RP9: variants seen among roughly 807,000 people sequenced by gnomAD.
RP9 encodes the protein retinitis pigmentosa 9 protein.
In RP9, 23 loss-of-function variants were observed where a neutral mutation model predicts 32.6. That is an observed-to-expected ratio of 0.71 (90% CI 0.51 to 1.00). The LOEUF (loss-of-function observed/expected upper bound fraction) is 1.00, where lower values mean the gene tolerates loss of function less well. Among genes scored for constraint, RP9 ranks in the 50% least tolerant of loss-of-function variants. RP9 has a pLI of 0.00. For synonymous variants in RP9, 94 were observed against 103.6 expected (o/e 0.91, Z 0.56); for missense variants, 245 against 285.3 (o/e 0.86, Z 1.02).
Position 33,095,098 on chromosome 7 carries a change from G to A in RP9, c.*136C>T. On this transcript the variant is annotated 3_prime_UTR_variant, in exon 6 of 6. Coordinates refer to ENST00000297157, the MANE Select transcript of RP9 (RefSeq NM_203288.2). ...CCTGGGGTCACATCTTCACTGCAAG[G>A]CGGGTGGGAGCTCACTGCTGTGACC... is the stretch of plus-strand genomic sequence containing the variant. 1.3e-6 allele frequency: 1 copy of A among 776,728 alleles called. No homozygotes were observed. The highest frequency in any genetic ancestry group is 2.2e-6 in the Non-Finnish European group (1 of 454,228). 48.1% of individuals were successfully genotyped at this position (776,728 alleles called of 1,614,324 possible). A position where few individuals can be genotyped will look rare whatever the true frequency, so the allele number is the denominator to read the frequency against.
intron 1 of RP9, among the ~76,000 whole-genome samples, chr7:33,104,646 T>A (rs1788473391): frequency 6.6e-6 from 1 of 152,192 alleles, no homozygotes. Context: ...GATAGTGATG[T>A]ACTATCGCCA....
chr7:33,095,947 C>T lies in RP9; in HGVS notation c.468-515G>A, dbSNP rs146766296. Among the ~76,000 whole-genome samples the T allele has an allele frequency of 2.7e-3, 412 of 152,212 alleles. 2 individuals carry two copies. Among genetic ancestry groups the T allele is most frequent in the Non-Finnish European group, 3.8e-3 (257 of 68,008 alleles). On this transcript the variant is annotated intron_variant, in intron 5 of 5. Coordinates refer to ENST00000297157, the MANE Select transcript of RP9 (RefSeq NM_203288.2). Reference sequence around the variant, plus strand: ...ACTGGGGTCAAGTAGATCCTCCCACCTCATCCTCCCGAGTGGCTGGAACTA... The same window carrying T: ...ACTGGGGTCAAGTAGATCCTCCCACTTCATCCTCCCGAGTGGCTGGAACTA...
intron 1 of RP9, among the ~76,000 whole-genome samples, chr7:33,106,538 T>G (rs1441104210): frequency 6.6e-6 from 1 of 152,206 alleles, no homozygotes; most frequent in African/African-American, 2.4e-5. Flanking sequence ...GGAACTATAC[T>G]GGAAGATTGG....
rs552833202 is a variant in RP9, at chr7:33,095,145, G to A, written c.*89C>T. Reference sequence around the variant, plus strand: ...GACCCACATATACTCCTCTCTCGGCGTCTCTATCCTGCTGCTTTCTCTGAC... The same window carrying A: ...GACCCACATATACTCCTCTCTCGGCATCTCTATCCTGCTGCTTTCTCTGAC... On this transcript the variant is annotated 3_prime_UTR_variant, in exon 6 of 6. Coordinates refer to ENST00000297157, the MANE Select transcript of RP9 (RefSeq NM_203288.2). The A allele has an allele frequency of 2.0e-5, 30 of 1,527,548 alleles. No homozygotes were observed. The highest frequency in any genetic ancestry group is 9.0e-5 in the East Asian group (4 of 44,292). 94.6% of individuals were successfully genotyped at this position (1,527,548 alleles called of 1,614,324 possible).
intron 5 of RP9, 112 bp downstream of exon 5, chr7:33,096,381 A>T: frequency 1.3e-6 from 1 of 799,306 alleles, no homozygotes; most frequent in Non-Finnish European, 2.2e-6. Context: ...ATATTTTCAC[A>T]ATTGAAGTAC....
Position 33,095,219 on chromosome 7 carries a change from C to G in RP9, c.*15G>C. ...CAGTGTTTGAGAAGAGAATGTTGAA[C>G]AAGTCACATCCTTGTCACTCTGAGT... On this transcript the variant is annotated 3_prime_UTR_variant, in exon 6 of 6. Transcript: ENST00000297157. 1 of 1,595,692 alleles carries G rather than the reference C, an allele frequency of 6.3e-7. No individual in the cohort carries two copies. The highest frequency in any genetic ancestry group is 2.2e-5 in the East Asian group (1 of 44,578).
Position 33,096,510 on chromosome 7 carries a change from T to G in RP9, c.450A>C (p.Arg150=). ...GACCTCACCTTACGTCCTTTTCATG[T>G]CGTTTATTGTCTCGTATGATGTCAT... The part of the protein sequence containing the change: ...PMYDIIRDNK[R]HEKDVRIQQL... The change falls in exon 5 of 6, where the codon CGA becomes CGC. Residue 150 remains arginine, a synonymous_variant. Coordinates refer to ENST00000297157, the MANE Select transcript of RP9 (RefSeq NM_203288.2). 1 of 1,612,714 alleles carries G rather than the reference T, an allele frequency of 6.2e-7. No individual in the cohort carries two copies. Among genetic ancestry groups the G allele is most frequent in the Non-Finnish European group, 8.5e-7 (1 of 1,178,724 alleles).
intron 1 of RP9, among the ~76,000 whole-genome samples, chr7:33,108,851 C>T (rs1415406690): frequency 6.6e-6 from 1 of 152,206 alleles, no homozygotes; most frequent in Non-Finnish European, 1.5e-5. Context: ...AGCTTAAGAA[C>T]TTAGAAGGGT....
intron 2 of RP9, chr7:33,100,085 C>G: frequency 4.6e-6 from 1 of 218,556 alleles, no homozygotes; most frequent in Non-Finnish European, 9.2e-6. Flanking sequence ...CACACCCTGG[C>G]ACCTTGGCCA....
In RP9 at chr7:33,109,030, G is replaced by A. The variant is rs144138970; in HGVS notation, c.152+191C>T. On this transcript the variant is annotated intron_variant, in intron 1 of 5. Transcript: ENST00000297157. This position sits in a 1 kb window ranked among gnomAD's most constrained non-coding sequence, Gnocchi z 4.9. ...GTTGGCTCCCTGAACGCCCCGCCAG[G>A]AGGATGGACTTCAAGTCCTTGACCG... Among the ~76,000 whole-genome samples the A allele has an allele frequency of 6.6e-6, 1 of 152,102 alleles. No homozygotes were observed. The highest frequency in any genetic ancestry group is 2.4e-5 in the African/African-American group (1 of 41,422).
intron 3 of RP9, 106 bp downstream of exon 3, chr7:33,099,201 G>T: frequency 7.6e-7 from 1 of 1,314,920 alleles, no homozygotes; most frequent in Non-Finnish European, 1.1e-6. Flanking sequence ...ACGTGCCTTG[G>T]CTGTAAGAGG....
At chr7:33,097,217 C>T (rs1788349863) in intron 4 of RP9, 54 bp downstream of exon 4, 3 of 1,359,104 alleles carry the variant, frequency 2.2e-6, no homozygotes, top group African/African-American at 1.4e-5. Context: ...TTCTGCTTCA[C>T]TGATTTTCAC....
At chr7:33,100,709 G>A in intron 1 of RP9, 148 bp from the exon 2 acceptor site, 1 of 734,818 alleles carries the variant, frequency 1.4e-6, no homozygotes. Context: ...GCAATCACCT[G>A]AGAAGAGCAG....
In RP9 at chr7:33,108,939, G is replaced by C. The variant is rs185024025; in HGVS notation, c.152+282C>G. The stretch of plus-strand genomic sequence containing the variant: ...TCTCCCGGGTCATTTGGACTCTCCT[G>C]GAACCCCCTGGAGCTAGGGAAGCGC... On this transcript the variant is annotated intron_variant, in intron 1 of 5. Coordinates refer to ENST00000297157, the MANE Select transcript of RP9 (RefSeq NM_203288.2). Among the ~76,000 whole-genome samples the C allele has an allele frequency of 5.5e-3, 837 of 152,286 alleles. 10 individuals are homozygous for C. The highest frequency in any genetic ancestry group is 0.037 in the Middle Eastern group (11 of 294).
chr7:33,095,172 G>A lies in RP9; in HGVS notation c.*62C>T, dbSNP rs368605088. 1.3e-6 allele frequency: 2 copies of A among 1,589,432 alleles called. No individual in the cohort carries two copies. The highest frequency in any genetic ancestry group is 2.7e-5 in the African/African-American group (2 of 74,512). ...CTCTATCCTGCTGCTTTCTCTGACT[G>A]CATCTTCCTCTGTTCCTTGGTCAGT... On this transcript the variant is annotated 3_prime_UTR_variant, in exon 6 of 6. Transcript: ENST00000297157.
intron 4 of RP9, 117 bp from the exon 5 acceptor site, chr7:33,096,671 T>C: frequency 3.8e-6 from 3 of 779,658 alleles, no homozygotes; most frequent in Non-Finnish European, 4.6e-6. Flanking sequence ...TTGATGTAGC[T>C]GCATGTTCAA....
Position 33,109,199 on chromosome 7 carries a change from C to T in RP9, c.152+22G>A. On this transcript the variant is annotated intron_variant, in intron 1 of 5. Transcript: ENST00000297157. This position sits in a 1 kb window ranked among gnomAD's most constrained non-coding sequence, Gnocchi z 4.9. ...CTGGCTTCAGAAGACTGGCCGCGCG[C>T]GGACGGCAGCTCGGGACTCACAAGG... The T allele has an allele frequency of 2.7e-6, 4 of 1,487,532 alleles. No individual in the cohort carries two copies. The highest frequency in any genetic ancestry group is 1.2e-5 in the South Asian group (1 of 80,060). The allele number at this position is 1,487,532 out of a possible 1,614,324, so 92.1% of individuals were successfully genotyped here.
At chr7:33,095,991 C>T (rs1788327633) in intron 5 of RP9, among the ~76,000 whole-genome samples, 1 of 152,110 alleles carries the variant, frequency 6.6e-6, no homozygotes, top group African/African-American at 2.4e-5. Flanking sequence ...TGCTGCCATA[C>T]TTGGCTACTT....
rs1227779836 is a variant in RP9, at chr7:33,109,285, G to A, written c.88C>T (p.Arg30Trp). The change falls in exon 1 of 6, where the codon CGG (arginine) becomes TGG (tryptophan). Residue 30 changes from arginine to tryptophan, a missense_variant. Physicochemically the swap from Arg to Trp is moderately radical, Grantham distance 101. This residue lies in a region of RP9 where 182 missense variants were observed against 175.5 expected (regional missense o/e 1.04). Transcript: ENST00000297157. The surrounding 1 kb of genome is among the most constrained non-coding windows in gnomAD (Gnocchi z 4.9). Reference sequence around the variant, plus strand: ...TCGTGTCGCCGCCGCTTCTGCTCCCGACGTCGCTGCAGCTCCTGCTCCGGC... The same window carrying A: ...TCGTGTCGCCGCCGCTTCTGCTCCCAACGTCGCTGCAGCTCCTGCTCCGGC... ...EPPEQELQRR[R>W]EQKRRRHDAQ... 4 of 1,487,558 alleles carry A rather than the reference G, an allele frequency of 2.7e-6. No individual in the cohort carries two copies. The highest frequency in any genetic ancestry group is 1.3e-5 in the South Asian group (1 of 79,844). The allele number at this position is 1,487,558 out of a possible 1,614,324, so 92.1% of individuals were successfully genotyped here. A position where few individuals can be genotyped will look rare whatever the true frequency, so the allele number is the denominator to read the frequency against.
Sources: allele counts gnomAD v4.1 joint callset (sites outside exome capture counted in the v4.1 genomes callset), GRCh38; gene constraint gnomAD v4.1.1; regional missense constraint gnomAD v4.1.1; non-coding constraint Gnocchi (gnomAD v3.1); transcripts MANE v1.5; gene names NCBI Gene and HGNC (gene_info 2026-07-23, HGNC 2026-07-21).